The following GPRIN3 variants were observed in gnomAD, a reference collection of about 807,000 sequenced individuals.
The protein encoded by GPRIN3 is G protein-regulated inducer of neurite outgrowth 3.
A neutral mutation model predicts 13.7 loss-of-function variants in GPRIN3; 12 were observed. The observed-to-expected ratio is 0.87, with a 90% CI of 0.56 to 1.42. The LOEUF is 1.42. Among genes scored for constraint, GPRIN3 ranks in the 40% most tolerant of loss-of-function variants. The pLI is 0.00. For synonymous variants in GPRIN3, 377 were observed against 372.7 expected (o/e 1.01, Z -0.13); for missense variants, 1,009 against 958.7 (o/e 1.05, Z -0.69).
intron 1 of GPRIN3, among the ~76,000 whole-genome samples, chr4:89,302,572 T>C (rs1444273671): frequency 2.0e-5 from 3 of 152,122 alleles, no homozygotes; most frequent in African/African-American, 7.2e-5. Context: ...AAGCCAATAA[T>C]TTAATTACCG....
At chr4:89,301,522 C>T (rs1336195860) in intron 1 of GPRIN3, among the ~76,000 whole-genome samples, 1 of 152,188 alleles carries the variant, frequency 6.6e-6, no homozygotes, top group African/African-American at 2.4e-5. Context: ...TTCACTCCCT[C>T]AGGCATTTCA....
chr4:89,288,351 G>C (rs1421107729), intron 1 of GPRIN3, among the ~76,000 whole-genome samples: 1 of 152,000 alleles, frequency 6.6e-6, no homozygotes, highest in Admixed American at 6.6e-5. Context: ...ATGCTGTCTT[G>C]GTCACTCATT....
At chr4:89,272,314 C>A (rs932594174) in intron 1 of GPRIN3, among the ~76,000 whole-genome samples, 1 of 152,158 alleles carries the variant, frequency 6.6e-6, no homozygotes, top group African/African-American at 2.4e-5. Flanking sequence ...GCAACAGACT[C>A]ATAAAATGGC....
intron 1 of GPRIN3, among the ~76,000 whole-genome samples, chr4:89,296,967 C>T (rs1284768565): frequency 1.3e-5 from 2 of 152,168 alleles, no homozygotes; most frequent in Non-Finnish European, 1.5e-5. Flanking sequence ...TCCATAAAAT[C>T]GTACTGAGTC....
chr4:89,295,282 A>G (rs1434352661), intron 1 of GPRIN3, among the ~76,000 whole-genome samples: 1 of 152,216 alleles, frequency 6.6e-6, no homozygotes, highest in East Asian at 1.9e-4. Context: ...CATTTTATCA[A>G]TGAAGGGGTC....
At chr4:89,254,960 C>T (rs1234715450) in intron 1 of GPRIN3, among the ~76,000 whole-genome samples, 3 of 152,142 alleles carry the variant, frequency 2.0e-5, no homozygotes, top group Non-Finnish European at 4.4e-5. Context: ...CACTAGGTGG[C>T]GCTGAGAAGA....
At chr4:89,270,284 C>T (rs764782665) in intron 1 of GPRIN3, among the ~76,000 whole-genome samples, 5 of 151,446 alleles carry the variant, frequency 3.3e-5, no homozygotes, top group Non-Finnish European at 7.4e-5. Flanking sequence ...AAAAACCTGG[C>T]GACTAAGTAA....
At chr4:89,285,369 C>T (rs1005596574) in intron 1 of GPRIN3, among the ~76,000 whole-genome samples, 1 of 151,952 alleles carries the variant, frequency 6.6e-6, no homozygotes, top group Non-Finnish European at 1.5e-5. Flanking sequence ...AAGAAAAATC[C>T]CTAAACATAT....
intron 1 of GPRIN3, among the ~76,000 whole-genome samples, chr4:89,278,402 CAT>C (rs1724153620): frequency 6.6e-6 from 1 of 152,150 alleles, no homozygotes; most frequent in Non-Finnish European, 1.5e-5. Flanking sequence ...GCGATAATGA[CAT>C]ATTTAAATTC....
chr4:89,247,898 T>C lies in GPRIN3; in HGVS notation c.2213A>G (p.Asp738Gly). The C allele has an allele frequency of 6.2e-7, 1 of 1,614,192 alleles. No individual in the cohort carries two copies. Among genetic ancestry groups the C allele is most frequent in the Non-Finnish European group, 8.5e-7 (1 of 1,180,020 alleles). ...TCTGAGCTTCTTATTTGAAGAAGTA[T>C]CTGAGGAAATGGATCTCCGGGTCTG... ...NSQTRRSISS[D>G]TSSNKKLRGR... is the part of the protein sequence containing the mutation. Residue 738 changes from aspartate (D) to glycine (G), a missense_variant, in exon 2 of 2, where the codon GAT (aspartate) becomes GGT (glycine). By Grantham distance (94) the Asp-to-Gly change is moderately conservative. Coordinates refer to ENST00000609438, the MANE Select transcript of GPRIN3 (RefSeq NM_198281.3).
chr4:89,273,094 T>C (rs1724004116), intron 1 of GPRIN3, among the ~76,000 whole-genome samples: 1 of 152,216 alleles, frequency 6.6e-6, no homozygotes, highest in African/African-American at 2.4e-5. Context: ...TCACTAAGTT[T>C]ATGCCATCTG....
chr4:89,278,641 C>T (rs921236654), intron 1 of GPRIN3, among the ~76,000 whole-genome samples: 10 of 152,166 alleles, frequency 6.6e-5, no homozygotes, highest in Non-Finnish European at 1.5e-5. Flanking sequence ...TGATTAGCCA[C>T]CTTTCTAAGC....
intron 1 of GPRIN3, among the ~76,000 whole-genome samples, chr4:89,298,687 A>C (rs1241543546): frequency 6.6e-6 from 1 of 152,008 alleles, no homozygotes; most frequent in Non-Finnish European, 1.5e-5. Context: ...ATATATATAT[A>C]TCTCAAGTGC....
At position 89,264,331 on chromosome 4, in the gene GPRIN3, C is replaced by T. The variant is rs139084616; in HGVS notation, c.-123-14098G>A. On this transcript the variant is annotated intron_variant, in intron 1 of 1. Coordinates refer to ENST00000609438, the MANE Select transcript of GPRIN3 (RefSeq NM_198281.3). ...TCTGCACACCCTGGCTCCCTTTTGC[C>T]TTCTACCATGAGTGGAAGCAGCCTG... Among the ~76,000 whole-genome samples, 439 of 152,314 alleles carry T rather than the reference C, an allele frequency of 2.9e-3. 3 individuals carry two copies. The highest frequency in any genetic ancestry group is 0.01 in the African/African-American group (416 of 41,570).
At position 89,244,239 on chromosome 4, in the gene GPRIN3, G is replaced by A. The variant is rs1293096391; in HGVS notation, c.*3541C>T. The A allele has an allele frequency of 6.6e-6, 1 of 151,950 alleles. No individual in the cohort carries two copies. Among genetic ancestry groups the A allele is most frequent in the Non-Finnish European group, 1.5e-5 (1 of 67,958 alleles). The allele number at this position is 151,950 out of a possible 1,614,324, so 9.4% of individuals were successfully genotyped here. A position where few individuals can be genotyped will look rare whatever the true frequency, so the allele number is the denominator to read the frequency against. ...ACAGCAAGCTCCTATTATGAATTTG[G>A]TTCTGAAATCCAACCTCTAAGGTAT... On this transcript the variant is annotated 3_prime_UTR_variant, in exon 2 of 2. Transcript: ENST00000609438.
At chr4:89,284,404 A>G (rs1156728331) in intron 1 of GPRIN3, among the ~76,000 whole-genome samples, 4 of 152,204 alleles carry the variant, frequency 2.6e-5, no homozygotes, top group Non-Finnish European at 5.9e-5. Flanking sequence ...CTGGTTGGCC[A>G]CTTACAAGCT....
At chr4:89,272,769 A>T (rs1244730682) in intron 1 of GPRIN3, among the ~76,000 whole-genome samples, 1 of 152,200 alleles carries the variant, frequency 6.6e-6, no homozygotes, top group African/African-American at 2.4e-5. Context: ...TATTTTACCA[A>T]AATCAAATGT....
At chr4:89,290,117 C>T (rs771186504) in intron 1 of GPRIN3, among the ~76,000 whole-genome samples, 19 of 151,394 alleles carry the variant, frequency 1.3e-4, no homozygotes, top group Non-Finnish European at 2.4e-4. Flanking sequence ...ACTACAGGTG[C>T]GTGTCACCAT....
chr4:89,237,196 C>T lies in GPRIN3; in HGVS notation c.*10584G>A, dbSNP rs1722812404. The T allele has an allele frequency of 6.6e-6, 1 of 152,130 alleles. No individual in the cohort carries two copies. The highest frequency in any genetic ancestry group is 2.4e-5 in the African/African-American group (1 of 41,428). The allele number at this position is 152,130 out of a possible 1,614,324, so 9.4% of individuals were successfully genotyped here. ...CAATTTGAATTTCAACTATGTTAGA[C>T]CTCTGTGATATATTTAGAAAAACCA... On this transcript the variant is annotated 3_prime_UTR_variant, in exon 2 of 2. Transcript: ENST00000609438.
Sources: gnomAD v4.1 joint callset for allele counts (sites outside exome capture counted in the v4.1 genomes callset) on GRCh38, gnomAD v4.1.1 for gene constraint, MANE v1.5 for transcripts, NCBI Gene and HGNC (gene_info 2026-07-23, HGNC 2026-07-21) for gene names.